GALNTL6: variants seen among roughly 807,000 people sequenced by gnomAD.
GALNTL6 encodes polypeptide N-acetylgalactosaminyltransferase-like 6.
A neutral mutation model predicts 73.7 loss-of-function variants in GALNTL6; 46 were observed. That is an observed-to-expected ratio of 0.62 (90% CI 0.49 to 0.80). The LOEUF (loss-of-function observed/expected upper bound fraction) is 0.80. GALNTL6 is among the 30% of genes least tolerant of loss of function. GALNTL6 has a pLI of 0.00. For synonymous variants in GALNTL6, 259 were observed against 263.7 expected (o/e 0.98, Z 0.17); for missense variants, 604 against 755.0 (o/e 0.80, Z 2.34).
At chr4:172,286,850 G>T (rs1042432644) in intron 3 of GALNTL6, among the ~76,000 whole-genome samples, 3 of 152,152 alleles carry the variant, frequency 2.0e-5, no homozygotes, top group African/African-American at 7.2e-5. Flanking sequence ...ATAAATTCCA[G>T]TGGTATGTTC....
intron 2 of GALNTL6, among the ~76,000 whole-genome samples, chr4:172,049,650 A>ATT (rs1730770702): frequency 6.6e-6 from 1 of 152,146 alleles, no homozygotes; most frequent in Non-Finnish European, 1.5e-5. Context: ...TAGAAAATGT[A>ATT]CTCTTGCCAA....
intron 10 of GALNTL6, among the ~76,000 whole-genome samples, chr4:173,005,327 A>G (rs910182719): frequency 3.2e-4 from 48 of 152,220 alleles, no homozygotes; most frequent in African/African-American, 1.1e-3. Context: ...CCGTGACACA[A>G]TTGCAATGCT....
intron 2 of GALNTL6, among the ~76,000 whole-genome samples, chr4:172,209,458 A>T (rs1446859710): frequency 8.9e-5 from 13 of 145,374 alleles, no homozygotes. Context: ...AAAAAAAAAA[A>T]TGATGTACCT....
intron 2 of GALNTL6, among the ~76,000 whole-genome samples, chr4:172,182,119 A>T (rs948295360): frequency 6.6e-6 from 1 of 152,230 alleles, no homozygotes; most frequent in African/African-American, 2.4e-5. Flanking sequence ...CCAGTAATAG[A>T]CAAACAAAGA....
intron 2 of GALNTL6, among the ~76,000 whole-genome samples, chr4:172,099,471 A>G (rs998644353): frequency 1.3e-5 from 2 of 152,178 alleles, no homozygotes; most frequent in Non-Finnish European, 2.9e-5. Flanking sequence ...ATGTCAATGT[A>G]GCCTTTTTTA....
rs1226101112 is a variant in GALNTL6 at position 172,069,587 on chromosome 4, A to ATGTGT, written c.139-160068_139-160067insGTGTT. Among the ~76,000 whole-genome samples, 4 of 78,720 alleles carry ATGTGT rather than the reference A, an allele frequency of 5.1e-5. 2 individuals carry two copies. Among genetic ancestry groups the ATGTGT allele is most frequent in the African/African-American group, 1.6e-4 (4 of 24,588 alleles). The allele number at this position is 78,720 out of a possible 152,430, so 51.6% of individuals were successfully genotyped here. A position where few individuals can be genotyped will look rare whatever the true frequency, so the allele number is the denominator to read the frequency against. On this transcript the variant is annotated intron_variant, in intron 2 of 12. Coordinates refer to ENST00000506823, the MANE Select transcript of GALNTL6 (RefSeq NM_001034845.3). Reference sequence around the variant, plus strand: ...ATAACACATATATGTTATATATTATATATATAACACATATATGTTATATAT... The same window carrying ATGTGT: ...ATAACACATATATGTTATATATTATATGTGTTATATAACACATATATGTTATATAT...
chr4:172,571,870 T>C (rs918981267), intron 5 of GALNTL6, among the ~76,000 whole-genome samples: 5 of 152,214 alleles, frequency 3.3e-5, no homozygotes, highest in African/African-American at 1.2e-4. Flanking sequence ...CACCGTTTTC[T>C]CACTCAAATG....
intron 2 of GALNTL6, among the ~76,000 whole-genome samples, chr4:172,078,376 C>A (rs1015348633): frequency 8.5e-5 from 13 of 152,138 alleles, no homozygotes; most frequent in Non-Finnish European, 1.5e-4. Flanking sequence ...TTGTAAGTTT[C>A]GTGAGGCCTC....
chr4:172,990,664 G>A (rs564021734), intron 10 of GALNTL6, among the ~76,000 whole-genome samples: 14 of 152,070 alleles, frequency 9.2e-5, no homozygotes, highest in South Asian at 6.2e-4. Flanking sequence ...ATAAACTGCC[G>A]TTTGTAAAGG....
At chr4:172,028,531 A>T (rs550376389) in intron 2 of GALNTL6, among the ~76,000 whole-genome samples, 1 of 152,188 alleles carries the variant, frequency 6.6e-6, no homozygotes, top group South Asian at 2.1e-4. Context: ...TTAGTTTTAG[A>T]TTGAGATAGT....
In GALNTL6 at chr4:172,687,644, AAT is replaced by A. The variant is rs1733007724; in HGVS notation, c.554-121716_554-121715del. On this transcript the variant is annotated intron_variant, in intron 5 of 12. Coordinates refer to ENST00000506823, the MANE Select transcript of GALNTL6 (RefSeq NM_001034845.3). ...CTGTCTCAAAAAAAAAAAAAAAAAA[AAT>A]TTCTTGAAGCTACTGAACCTTTCCT... Among the ~76,000 whole-genome samples the A allele has an allele frequency of 3.5e-5, 5 of 142,970 alleles. No homozygotes were observed. The South Asian group carries it at 9.3e-4, about 27-fold the overall frequency. 93.8% of individuals were successfully genotyped at this position (142,970 alleles called of 152,430 possible).
At chr4:171,906,266 AAGAG>A (rs1351612171) in intron 2 of GALNTL6, among the ~76,000 whole-genome samples, 1 of 151,308 alleles carries the variant, frequency 6.6e-6, no homozygotes, top group African/African-American at 2.5e-5. Context: ...TAAAGAAAAA[AAGAG>A]AGAAGAATCA....
intron 4 of GALNTL6, among the ~76,000 whole-genome samples, chr4:172,346,558 C>T (rs1741747086): frequency 6.6e-6 from 1 of 152,168 alleles, no homozygotes; most frequent in South Asian, 2.1e-4. Context: ...GCTTATGGGC[C>T]TCTCTCAAAT....
At chr4:172,183,794 CTTTTT>C (rs33972396) in intron 2 of GALNTL6, among the ~76,000 whole-genome samples, 5 of 134,618 alleles carry the variant, frequency 3.7e-5, no homozygotes, top group African/African-American at 1.4e-4. Context: ...CTGTTGAAGA[CTTTTT>C]TTTTTTTTTT....
At chr4:172,230,696 A>G (rs1737032609) in intron 3 of GALNTL6, among the ~76,000 whole-genome samples, 1 of 152,196 alleles carries the variant, frequency 6.6e-6, no homozygotes, top group African/African-American at 2.4e-5. Context: ...AGTGAAAGTG[A>G]GTAACTCATG....
At chr4:172,673,266 A>C (rs992602248) in intron 5 of GALNTL6, among the ~76,000 whole-genome samples, 3 of 151,964 alleles carry the variant, frequency 2.0e-5, no homozygotes, top group African/African-American at 7.2e-5. Flanking sequence ...TTCAATTTTC[A>C]TGTAATGTGA....
intron 2 of GALNTL6, chr4:171,815,207 G>A (rs753251307): frequency 6.1e-6 from 1 of 163,760 alleles, no homozygotes; most frequent in Non-Finnish European, 1.3e-5. Flanking sequence ...CTTAGCAACA[G>A]CTTTTTACCC....
intron 5 of GALNTL6, among the ~76,000 whole-genome samples, chr4:172,466,210 A>G (rs1349481838): frequency 1.3e-5 from 2 of 152,180 alleles, no homozygotes; most frequent in African/African-American, 4.8e-5. Context: ...AAGCTAAGAC[A>G]TCACTTCCTA....
At chr4:172,108,752 G>A (rs1390165254) in intron 2 of GALNTL6, among the ~76,000 whole-genome samples, 1 of 151,878 alleles carries the variant, frequency 6.6e-6, no homozygotes, top group East Asian at 1.9e-4. Flanking sequence ...TGGGTGCTAT[G>A]GCTCATCCCA....
Sources: gnomAD v4.1 joint callset for allele counts (sites outside exome capture counted in the v4.1 genomes callset) on GRCh38, gnomAD v4.1.1 for gene constraint, MANE v1.5 for transcripts, NCBI Gene and HGNC (gene_info 2026-07-23, HGNC 2026-07-21) for gene names.